The following TNRC6A variants were observed in gnomAD, a reference collection of about 807,000 sequenced individuals.
TNRC6A encodes trinucleotide repeat-containing gene 6A protein.
Under a neutral mutation model 221.2 loss-of-function variants are expected in TNRC6A, and 44 were observed. The ratio of observed to expected loss-of-function variants is 0.20; its 90% CI spans 0.16 to 0.26. The LOEUF is 0.26. Among genes scored for constraint, TNRC6A ranks in the 10% least tolerant of loss-of-function variants. TNRC6A has a pLI of 1.00. For synonymous variants in TNRC6A, 847 were observed against 838.5 expected (o/e 1.01, Z -0.18); for missense variants, 2,199 against 2,404.4 (o/e 0.91, Z 1.79).
chr16:24,652,238 T>A (rs1343054830), intron 2 of TNRC6A, among the ~76,000 whole-genome samples: 3 of 152,144 alleles, frequency 2.0e-5, no homozygotes, highest in Non-Finnish European at 4.4e-5. Context: ...AAACTCTTGA[T>A]CAAAATGAAA....
chr16:24,697,055 A>G (rs906151368), intron 2 of TNRC6A, among the ~76,000 whole-genome samples: 2 of 152,202 alleles, frequency 1.3e-5, no homozygotes, highest in African/African-American at 4.8e-5. Flanking sequence ...AGCTTATTGC[A>G]TATTTTCAGA....
At chr16:24,733,262 A>G (rs895014757) in intron 2 of TNRC6A, among the ~76,000 whole-genome samples, 5 of 152,168 alleles carry the variant, frequency 3.3e-5, no homozygotes, top group African/African-American at 1.2e-4. Context: ...TATTATGTAG[A>G]TCCTCAATTT....
chr16:24,674,954 C>T lies in TNRC6A; in HGVS notation n.402+33945C>T, dbSNP rs148844047. The stretch of plus-strand genomic sequence containing the variant: ...AGGAGTTCAAGACTAGCTTGGGCAA[C>T]GTATTGAGACCACTGTCTCTACAAA... On this transcript the variant is annotated intron_variant and non_coding_transcript_variant, in intron 2 of 2. Coordinates refer to the TNRC6A transcript ENST00000566108. Among the ~76,000 whole-genome samples the T allele has an allele frequency of 1.5e-3, 226 of 152,056 alleles. 3 individuals carry two copies. The highest frequency in any genetic ancestry group is 5.2e-3 in the African/African-American group (216 of 41,496).
chr16:24,741,910 C>T (rs2056900630), intron 2 of TNRC6A, among the ~76,000 whole-genome samples: 1 of 152,094 alleles, frequency 6.6e-6, no homozygotes, highest in Admixed American at 6.5e-5. Flanking sequence ...GATCGTGGCT[C>T]ACTGTAGCAT....
At chr16:24,761,533 T>C (rs1375716252) in intron 4 of TNRC6A, among the ~76,000 whole-genome samples, 2 of 151,942 alleles carry the variant, frequency 1.3e-5, no homozygotes, top group Non-Finnish European at 2.9e-5. Context: ...TTAAAAACAG[T>C]TTTACAACTC....
At chr16:24,745,087 G>A (rs537341389) in intron 2 of TNRC6A, among the ~76,000 whole-genome samples, 1 of 152,272 alleles carries the variant, frequency 6.6e-6, no homozygotes, top group East Asian at 1.9e-4. Flanking sequence ...TAAATAGCAT[G>A]TTCCCCACCC....
At chr16:24,643,120 T>C (rs1219409431) in intron 2 of TNRC6A, among the ~76,000 whole-genome samples, 1 of 135,562 alleles carries the variant, frequency 7.4e-6, no homozygotes, top group Admixed American at 8.1e-5. Context: ...AATATATATA[T>C]ATAAAATATA....
intron 11 of TNRC6A, chr16:24,803,910 A>G (rs2058377109): frequency 3.2e-6 from 1 of 313,458 alleles, no homozygotes; most frequent in Non-Finnish European, 5.8e-6. Context: ...AATAAAAAAG[A>G]AAAAAAAAGT....
At chr16:24,711,592 T>C (rs1016438565) in intron 2 of TNRC6A, among the ~76,000 whole-genome samples, 2 of 152,158 alleles carry the variant, frequency 1.3e-5, no homozygotes, top group Non-Finnish European at 2.9e-5. Context: ...CAATCTGTCC[T>C]TTTGGGGGAG....
intron 2 of TNRC6A, chr16:24,664,917 C>T (rs1403364945): frequency 4.6e-5 from 21 of 455,490 alleles, no homozygotes; most frequent in African/African-American, 1.8e-4. Flanking sequence ...ACGGAAGTGA[C>T]GACAGACAGA....
rs112961519 is a variant in TNRC6A at position 24,807,040 on chromosome 16, C to G, written c.4540+256C>G. Among the ~76,000 whole-genome samples, 8 of 150,004 alleles carry G rather than the reference C, an allele frequency of 5.3e-5. No homozygotes were observed. In the East Asian group the frequency reaches 1.4e-3, roughly 26 times the overall value. Reference sequence around the variant, plus strand: ...TTTTTTTTTAGGACAGAGTCTTGCTCTGTCACCCAGGGTGGAGTGCAGTGG... The same window carrying G: ...TTTTTTTTTAGGACAGAGTCTTGCTGTGTCACCCAGGGTGGAGTGCAGTGG... On this transcript the variant is annotated intron_variant, in intron 17 of 24. Coordinates refer to ENST00000395799, the MANE Select transcript of TNRC6A (RefSeq NM_014494.4).
At chr16:24,771,555 T>TTATGTTATGTTA (rs1567449007) in intron 4 of TNRC6A, among the ~76,000 whole-genome samples, 5 of 69,658 alleles carry the variant, frequency 7.2e-5, no homozygotes, top group Non-Finnish European at 1.3e-4. Context: ...TTATGTTATG[T>TTATGTTATGTTA]TATGTTTTAT....
chr16:24,666,639 GA>G (rs1164353374), intron 2 of TNRC6A, among the ~76,000 whole-genome samples: 344 of 31,296 alleles, frequency 0.011, no homozygotes, highest in South Asian at 0.026. Context: ...CTGTCTTAGA[GA>G]AAAAAAAAAA....
Position 24,676,575 on chromosome 16 carries a change from C to T in TNRC6A, n.402+35566C>T, listed in dbSNP as rs1391181461. Among the ~76,000 whole-genome samples the T allele has an allele frequency of 2.6e-5, 4 of 152,190 alleles. No individual in the cohort carries two copies. The East Asian group carries it at 7.7e-4, about 29-fold the overall frequency. On this transcript the variant is annotated intron_variant and non_coding_transcript_variant, in intron 2 of 2. Coordinates refer to the TNRC6A transcript ENST00000566108. ...GGCTTAAGTGATCTTCCCACCTCAG[C>T]CTCCTGAGTAGCTGGGACTCAGGCA...
At chr16:24,762,082 T>C (rs988962162) in intron 4 of TNRC6A, among the ~76,000 whole-genome samples, 16 of 152,178 alleles carry the variant, frequency 1.1e-4, no homozygotes, top group Non-Finnish European at 1.5e-4. Context: ...GGGGAGATCC[T>C]AGTGGGAAAC....
At position 24,806,643 on chromosome 16, in the gene TNRC6A, AAGCAGCAGACTCCACCATCTC is replaced by A. The variant is rs1175377854; in HGVS notation, c.4408_4428del (p.Thr1470_Gln1476del). On this transcript the variant is annotated inframe_deletion, in exon 17 of 25. Coordinates refer to ENST00000395799, the MANE Select transcript of TNRC6A (RefSeq NM_014494.4). ...TCAACTTGATCCAAACCTGTTGGTG[AAGCAGCAGACTCCACCATCTC>A]AGCAGCAGCCACTCCATCAGCCAGC... 1 of 1,614,190 alleles carries A rather than the reference AAGCAGCAGACTCCACCATCTC, an allele frequency of 6.2e-7. No individual in the cohort carries two copies. The highest frequency in any genetic ancestry group is 1.1e-5 in the South Asian group (1 of 91,074).
rs747923295 is a variant in TNRC6A at position 24,794,590 on chromosome 16, G to T, written c.3399G>T (p.Leu1133Phe). 6.2e-7 allele frequency: 1 copy of T among 1,613,884 alleles called. No individual in the cohort carries two copies. Among genetic ancestry groups the T allele is most frequent in the Non-Finnish European group, 8.5e-7 (1 of 1,179,874 alleles). The change falls in exon 8 of 25, where the codon TTG (leucine) becomes TTT (phenylalanine). Residue 1133 changes from leucine (L) to phenylalanine (F), a missense_variant. Leu to Phe is a conservative substitution (Grantham distance 22). This residue lies in a region of TNRC6A where 1,405 missense variants were observed against 1,400.2 expected (regional missense o/e 1.00). Transcript: ENST00000395799. ...GCTGGTGTGGTGATGATATGCCATTGCCTGGAAATCGCCCCACTGGCTGGG... is the reference window on the plus strand; with the variant it reads ...GCTGGTGTGGTGATGATATGCCATTTCCTGGAAATCGCCCCACTGGCTGGG... ...QDGWCGDDMP[L>F]PGNRPTGWEE...
chr16:24,634,521 A>C (rs1901524466), intron 1 of TNRC6A, among the ~76,000 whole-genome samples: 1 of 152,166 alleles, frequency 6.6e-6, no homozygotes, highest in African/African-American at 2.4e-5. Context: ...AAATCTACAC[A>C]TTATCACTAG....
intron 2 of TNRC6A, among the ~76,000 whole-genome samples, chr16:24,745,080 A>T (rs2056974756): frequency 6.6e-6 from 1 of 152,206 alleles, no homozygotes; most frequent in Admixed American, 6.5e-5. Flanking sequence ...GTTATTGTAA[A>T]TAGCATGTTC....
Sources: gnomAD v4.1 joint callset for allele counts (sites outside exome capture counted in the v4.1 genomes callset) on GRCh38, gnomAD v4.1.1 for gene constraint, gnomAD v4.1.1 regional missense constraint, MANE v1.5 for transcripts, NCBI Gene and HGNC (gene_info 2026-07-23, HGNC 2026-07-21) for gene names.